PLCD1: variants seen among roughly 807,000 people sequenced by gnomAD.
PLCD1 encodes phospholipase C delta 1, also known as 1-phosphatidylinositol 4,5-bisphosphate phosphodiesterase delta-1.
In PLCD1, 71 loss-of-function variants were observed where a neutral mutation model predicts 87.4. The ratio of observed to expected loss-of-function variants is 0.81; its 90% CI spans 0.67 to 0.99. PLCD1 has a LOEUF of 0.99. Ranked by LOEUF, PLCD1 falls within the 50% of genes least tolerant of loss-of-function variation. The probability of loss-of-function intolerance (pLI) is 0.00; values close to 1 mark genes in which losing one functional copy is unlikely to be tolerated. For synonymous variants in PLCD1, 348 were observed against 399.2 expected (o/e 0.87, Z 1.53); for missense variants, 867 against 1,001.5 (o/e 0.87, Z 1.81).
Position 38,009,922 on chromosome 3 carries a change from G to A in PLCD1, c.1269C>T (p.Asn423=). The A allele has an allele frequency of 3.7e-6, 6 of 1,610,674 alleles. No individual in the cohort carries two copies. Among genetic ancestry groups the A allele is most frequent in the Non-Finnish European group, 3.4e-6 (4 of 1,178,264 alleles). Reference sequence around the variant, plus strand: ...CACACACCTCAGGGGAGGGCAGGCTGTTGGTGACCCCATCCAGTGGTCGGT... The same window carrying A: ...CACACACCTCAGGGGAGGGCAGGCTATTGGTGACCCCATCCAGTGGTCGGT... The part of the protein sequence containing the change: ...LLNRPLDGVT[N]SLPSPEQLKG... Residue 423 remains asparagine (N), a synonymous_variant, in exon 8 of 15, where the codon AAC becomes AAT. Coordinates refer to ENST00000334661, the MANE Select transcript of PLCD1 (RefSeq NM_006225.4).
Position 38,008,323 on chromosome 3 carries a change from ATTC to A in PLCD1, c.1944_1946del (p.Lys648del). 1 of 1,614,164 alleles carries A rather than the reference ATTC, an allele frequency of 6.2e-7. No homozygotes were observed. Among genetic ancestry groups the A allele is most frequent in the Non-Finnish European group, 8.5e-7 (1 of 1,180,032 alleles). On this transcript the variant is annotated inframe_deletion, in exon 13 of 15. Coordinates refer to ENST00000334661, the MANE Select transcript of PLCD1 (RefSeq NM_006225.4). ...CTGTCACTTTGGGGTCCACAATTGA[ATTC>A]TTATTCTTGTTGACTTTTGGCAGCT...
Position 38,025,587 on chromosome 3 carries a change from G to GA in PLCD1, c.34+3918_34+3919insT, listed in dbSNP as rs1700300656. ...GACCACCAAAGTGATAATCCCCAAGGTGACGGATGCAAACGAAATTCTTGA... is the reference window on the plus strand; with the variant it reads ...GACCACCAAAGTGATAATCCCCAAGGATGACGGATGCAAACGAAATTCTTGA... On this transcript the variant is annotated intron_variant, in intron 1 of 14. Transcript: ENST00000334661. This position sits in a 1 kb window ranked among gnomAD's most constrained non-coding sequence, Gnocchi z 4.0. Among the ~76,000 whole-genome samples, 1 of 152,200 alleles carries GA rather than the reference G, an allele frequency of 6.6e-6. No individual in the cohort carries two copies.
intron 1 of PLCD1, among the ~76,000 whole-genome samples, chr3:38,021,113 CT>C (rs1700227743): frequency 6.6e-6 from 1 of 152,250 alleles, no homozygotes; most frequent in Middle Eastern, 3.4e-3. Flanking sequence ...TGTGGGACCC[CT>C]ATGCCCATCT....
At chr3:38,024,802 A>T in intron 1 of PLCD1, 4 of 1,203,630 alleles carry the variant, frequency 3.3e-6, no homozygotes, top group Non-Finnish European at 4.3e-6. Context: ...TGGGCTAAGG[A>T]GGGCAGAGTC....
Position 38,018,576 on chromosome 3 carries a change from T to C in PLCD1, c.199+1612A>G, listed in dbSNP as rs143641358. On this transcript the variant is annotated intron_variant, in intron 2 of 14. Coordinates refer to ENST00000334661, the MANE Select transcript of PLCD1 (RefSeq NM_006225.4). The surrounding 1 kb of genome is among the most constrained non-coding windows in gnomAD (Gnocchi z 5.7). ...GCGGGGAAAGGCCTGGGTCTTCCAC[T>C]CCTCTATCTCCCCTCTCATGCTTCC... 1.5e-3 allele frequency among the ~76,000 whole-genome samples: 230 copies of C among 152,178 alleles called. No homozygotes were observed. Among genetic ancestry groups the C allele is most frequent in the Admixed American group, 2.9e-3 (44 of 15,280 alleles).
intron 3 of PLCD1, among the ~76,000 whole-genome samples, chr3:38,012,107 A>G (rs1338908304): frequency 7.0e-6 from 1 of 141,856 alleles, no homozygotes; most frequent in Non-Finnish European, 1.5e-5. Flanking sequence ...AGCTCATTGC[A>G]GCCTAGACCT....
intron 1 of PLCD1, among the ~76,000 whole-genome samples, chr3:38,023,286 C>T (rs1232008905): frequency 6.6e-6 from 1 of 152,190 alleles, no homozygotes; most frequent in Non-Finnish European, 1.5e-5. Flanking sequence ...CAATGAGCCA[C>T]ACACAATGAC....
At chr3:38,024,306 C>T (rs1700275870) in intron 1 of PLCD1, 2 of 1,590,448 alleles carry the variant, frequency 1.3e-6, no homozygotes, top group African/African-American at 2.7e-5. Flanking sequence ...CCCATTCCCC[C>T]GCAGATCTCG....
At chr3:38,024,526 G>C (rs923501855) in intron 1 of PLCD1, 4 of 1,519,168 alleles carry the variant, frequency 2.6e-6, no homozygotes, top group Non-Finnish European at 3.5e-6. Context: ...GCTCTGGTCC[G>C]GGGGGCGGAA....
In PLCD1 at chr3:38,017,522, C is replaced by G. The variant is rs1700176570; in HGVS notation, c.200-803G>C. 6.6e-6 allele frequency among the ~76,000 whole-genome samples: 1 copy of G among 152,146 alleles called. No homozygotes were observed. Among genetic ancestry groups the G allele is most frequent in the Non-Finnish European group, 1.5e-5 (1 of 67,994 alleles). Reference sequence around the variant, plus strand: ...CAAGGGGAGGGCCCTCCCCTCACACCCAGCCTTCCAAGCTTCAGGGAGATG... The same window carrying G: ...CAAGGGGAGGGCCCTCCCCTCACACGCAGCCTTCCAAGCTTCAGGGAGATG... On this transcript the variant is annotated intron_variant, in intron 2 of 14. Transcript: ENST00000334661. The surrounding 1 kb of genome is among the most constrained non-coding windows in gnomAD (Gnocchi z 4.7).
chr3:38,024,459 G>A lies in PLCD1; in HGVS notation c.35-4107C>T, dbSNP rs369393201. The A allele has an allele frequency of 8.2e-5, 131 of 1,600,672 alleles. No homozygotes were observed. In the African/African-American group the frequency reaches 1.6e-3, roughly 19 times the overall value. ...GGCCCTCCACAGTGCCCCTGCCTGC[G>A]CGGAGCCGGGTCCGGGGCAGTGCCG... On this transcript the variant is annotated intron_variant, in intron 1 of 14. Coordinates refer to ENST00000334661, the MANE Select transcript of PLCD1 (RefSeq NM_006225.4).
At chr3:38,028,361 G>C (rs1201073634) in intron 1 of PLCD1, among the ~76,000 whole-genome samples, 1 of 152,210 alleles carries the variant, frequency 6.6e-6, no homozygotes, top group Non-Finnish European at 1.5e-5. Flanking sequence ...CACAGAGCAA[G>C]GTCTCTCTGG....
At chr3:38,024,454 C>G in intron 1 of PLCD1, 1 of 1,604,730 alleles carries the variant, frequency 6.2e-7, no homozygotes, top group Non-Finnish European at 8.5e-7. Flanking sequence ...AGTGCCCCTG[C>G]CTGCGCGGAG....
intron 5 of PLCD1, 103 bp downstream of exon 5, chr3:38,011,111 C>G (rs946123294): frequency 1.1e-4 from 104 of 912,268 alleles, no homozygotes; most frequent in Middle Eastern, 1.0e-3. Flanking sequence ...TGAGGCAGCC[C>G]CTTCCCTCCG....
intron 1 of PLCD1, among the ~76,000 whole-genome samples, chr3:38,020,714 T>C (rs995216264): frequency 2.0e-5 from 3 of 152,146 alleles, no homozygotes; most frequent in African/African-American, 4.8e-5. Flanking sequence ...TTCTGAAAGA[T>C]GGTTTTGAAA....
chr3:38,010,048 G>A lies in PLCD1; in HGVS notation c.1143C>T (p.Ser381=). ...RAIRDYAFKA[S]PYPVILSLEN... is the part of the protein sequence containing the mutation. ...CCAGGGATAGGATGACAGGGTAGGG[G>A]GACGCCTGGAGGCCCAAGGGCACAT... The change falls in exon 8 of 15, where the codon TCC becomes TCT. Residue 381 remains serine, a synonymous_variant. Transcript: ENST00000334661. The A allele has an allele frequency of 1.2e-6, 2 of 1,614,212 alleles. No homozygotes were observed. Among genetic ancestry groups the A allele is most frequent in the African/African-American group, 1.3e-5 (1 of 75,064 alleles).
At chr3:38,026,527 T>C (rs11914824) in intron 1 of PLCD1, among the ~76,000 whole-genome samples, 65 of 151,216 alleles carry the variant, frequency 4.3e-4, no homozygotes, top group Non-Finnish European at 7.1e-4. Flanking sequence ...CATAAATAAA[T>C]AAACAAATAA....
At chr3:38,024,482 C>A in intron 1 of PLCD1, 1 of 1,577,232 alleles carries the variant, frequency 6.3e-7, no homozygotes, top group Non-Finnish European at 8.6e-7. Flanking sequence ...CGGGGCAGTG[C>A]CGCCTCCAGT....
intron 1 of PLCD1, among the ~76,000 whole-genome samples, chr3:38,022,227 G>A (rs984468663): frequency 6.6e-6 from 1 of 152,198 alleles, no homozygotes; most frequent in Non-Finnish European, 1.5e-5. Context: ...CTCCCTCTTA[G>A]CCCAAGGGGA....
Sources: gnomAD v4.1 joint callset for allele counts (sites outside exome capture counted in the v4.1 genomes callset) on GRCh38, gnomAD v4.1.1 for gene constraint, Gnocchi (gnomAD v3.1) non-coding constraint, MANE v1.5 for transcripts, NCBI Gene and HGNC (gene_info 2026-07-23, HGNC 2026-07-21) for gene names.